Variants in RANBP17 observed in about 807,000 individuals in gnomAD.
The protein encoded by RANBP17 is RAN binding protein 17.
A neutral mutation model predicts 141.2 loss-of-function variants in RANBP17; 158 were observed. That is an observed-to-expected ratio of 1.12 (90% confidence interval 0.98 to 1.28). The LOEUF is 1.28. RANBP17 is among the 50% of genes most tolerant of loss of function. The pLI, the probability that RANBP17 is intolerant of heterozygous loss-of-function variation, is 0.00. For synonymous variants in RANBP17, 430 were observed against 450.0 expected (o/e 0.96, Z 0.56); for missense variants, 1,438 against 1,290.7 (o/e 1.11, Z -1.75).
intron 12 of RANBP17, among the ~76,000 whole-genome samples, chr5:170,941,292 T>TA (rs1774308043): frequency 6.6e-6 from 1 of 151,884 alleles, no homozygotes; most frequent in Non-Finnish European, 1.5e-5. Flanking sequence ...ACAGTAGAAT[T>TA]AAAAAATCAG....
intron 14 of RANBP17, among the ~76,000 whole-genome samples, chr5:171,075,360 T>A (rs1581569284): frequency 6.6e-6 from 1 of 152,144 alleles, no homozygotes; most frequent in Non-Finnish European, 1.5e-5. Flanking sequence ...CCAACTTGAT[T>A]AAAGAAATGA....
chr5:171,202,070 G>A (rs1281150455), intron 19 of RANBP17, among the ~76,000 whole-genome samples: 1 of 152,122 alleles, frequency 6.6e-6, no homozygotes. Flanking sequence ...CAGATTTCAG[G>A]ATAAACTTAA....
chr5:171,095,822 T>A (rs566154484), intron 14 of RANBP17, among the ~76,000 whole-genome samples: 2 of 152,124 alleles, frequency 1.3e-5, no homozygotes, highest in Non-Finnish European at 2.9e-5. Flanking sequence ...AAAACTTACC[T>A]GCTAATAACC....
At chr5:171,253,901 T>G (rs142973657) in intron 24 of RANBP17, among the ~76,000 whole-genome samples, 1,569 of 152,258 alleles carry the variant, frequency 0.01, 23 homozygotes, top group African/African-American at 0.035. Context: ...TTATTATGGT[T>G]TCTAAATCAG....
chr5:171,063,505 G>A (rs7718828), intron 14 of RANBP17, among the ~76,000 whole-genome samples: 12 of 152,160 alleles, frequency 7.9e-5, no homozygotes, highest in Non-Finnish European at 1.5e-5. Context: ...GCTGCTGTCT[G>A]ATCGTTCCTC....
chr5:171,177,952 T>A (rs1760604573), intron 16 of RANBP17, among the ~76,000 whole-genome samples: 1 of 152,114 alleles, frequency 6.6e-6, no homozygotes, highest in African/African-American at 2.4e-5. Flanking sequence ...CTCCTGTTCC[T>A]TGTAAATAAT....
At chr5:171,083,297 C>G (rs928409979) in intron 14 of RANBP17, among the ~76,000 whole-genome samples, 8 of 151,992 alleles carry the variant, frequency 5.3e-5, no homozygotes, top group African/African-American at 1.9e-4. Context: ...CATAAGTGCC[C>G]TTATAAAAAG....
chr5:171,037,972 G>C (rs1334601247), intron 14 of RANBP17, among the ~76,000 whole-genome samples: 1 of 152,204 alleles, frequency 6.6e-6, no homozygotes, highest in East Asian at 1.9e-4. Flanking sequence ...TGGCATGGTA[G>C]TTTGATAGGA....
intron 14 of RANBP17, among the ~76,000 whole-genome samples, chr5:171,120,163 A>G (rs996398148): frequency 5.3e-5 from 8 of 152,100 alleles, no homozygotes; most frequent in African/African-American, 1.2e-4. Context: ...TTCCAAACAA[A>G]TGGAGTCTCT....
intron 14 of RANBP17, chr5:171,028,825 C>G: frequency 1.1e-6 from 1 of 933,692 alleles, no homozygotes; most frequent in Non-Finnish European, 1.5e-6. Context: ...GAGAATTCAT[C>G]CACTGCCACT....
intron 1 of RANBP17, among the ~76,000 whole-genome samples, chr5:170,873,387 C>T (rs1767916742): frequency 6.6e-6 from 1 of 152,198 alleles, no homozygotes; most frequent in South Asian, 2.1e-4. Context: ...GGAGTCCCTC[C>T]TTTTCAGTTG....
intron 22 of RANBP17, among the ~76,000 whole-genome samples, chr5:171,235,363 T>G (rs1764478209): frequency 6.6e-6 from 1 of 151,314 alleles, no homozygotes. Context: ...TAGTGTGACT[T>G]GTATGCTGAT....
At chr5:170,984,660 G>C (rs1367766969) in intron 14 of RANBP17, among the ~76,000 whole-genome samples, 3 of 151,942 alleles carry the variant, frequency 2.0e-5, no homozygotes, top group Non-Finnish European at 4.4e-5. Flanking sequence ...GTAGCTAATA[G>C]TTAAATACAT....
chr5:171,239,155 G>A (rs1011099054), intron 22 of RANBP17, among the ~76,000 whole-genome samples: 2 of 152,160 alleles, frequency 1.3e-5, no homozygotes, highest in Non-Finnish European at 1.5e-5. Flanking sequence ...ACAGAATTTG[G>A]TATTGAGTAA....
intron 12 of RANBP17, among the ~76,000 whole-genome samples, chr5:170,938,060 C>T (rs951042489): frequency 1.3e-5 from 2 of 152,120 alleles, no homozygotes; most frequent in African/African-American, 2.4e-5. Flanking sequence ...CTCTGACCTC[C>T]TCCCTCCCAG....
At chr5:171,210,810 T>C (rs1365873194) in intron 20 of RANBP17, among the ~76,000 whole-genome samples, 1 of 151,780 alleles carries the variant, frequency 6.6e-6, no homozygotes, top group Non-Finnish European at 1.5e-5. Flanking sequence ...ATCGAGACCA[T>C]CCTGGCCAAC....
chr5:170,924,254 T>G lies in RANBP17; in HGVS notation c.1275-103T>G, dbSNP rs114377574. ...AAGTGAACCTCCTGCCTCTGTCTTTTATTCCTTTATTATAGAATTTTTATT... is the reference window on the plus strand; with the variant it reads ...AAGTGAACCTCCTGCCTCTGTCTTTGATTCCTTTATTATAGAATTTTTATT... On this transcript the variant is annotated intron_variant, in intron 11 of 27. Coordinates refer to ENST00000523189, the MANE Select transcript of RANBP17 (RefSeq NM_022897.5). The G allele has an allele frequency of 2.4e-3, 1,804 of 763,476 alleles. 28 individuals are homozygous for G. The African/African-American group carries it at 0.028, about 12-fold the overall frequency. The allele number at this position is 763,476 out of a possible 1,614,324, so 47.3% of individuals were successfully genotyped here. A position where few individuals can be genotyped will look rare whatever the true frequency, so the allele number is the denominator to read the frequency against.
intron 16 of RANBP17, among the ~76,000 whole-genome samples, chr5:171,172,287 T>A (rs1240262486): frequency 6.6e-6 from 1 of 151,910 alleles, no homozygotes; most frequent in East Asian, 1.9e-4. Flanking sequence ...AAATCCACCA[T>A]GCAATATTTC....
chr5:170,936,168 T>G (rs973844304), intron 12 of RANBP17, among the ~76,000 whole-genome samples: 4 of 152,096 alleles, frequency 2.6e-5, no homozygotes, highest in African/African-American at 9.7e-5. Flanking sequence ...GGTGAGAGTG[T>G]CCCGATTTTC....
Sources: gnomAD v4.1 joint callset for allele counts (sites outside exome capture counted in the v4.1 genomes callset) on GRCh38, gnomAD v4.1.1 for gene constraint, MANE v1.5 for transcripts, NCBI Gene and HGNC (gene_info 2026-07-23, HGNC 2026-07-21) for gene names.